Variants in MBD5 observed in about 807,000 individuals in gnomAD.
The protein encoded by MBD5 is methyl-CpG-binding domain protein 5.
In MBD5, 13 loss-of-function variants were observed where a neutral mutation model predicts 117.3. The observed-to-expected ratio is 0.11, with a 90% CI of 0.07 to 0.18. MBD5 has a LOEUF of 0.18. MBD5 is among the 10% of genes least tolerant of loss of function. The probability of loss-of-function intolerance (pLI) is 1.00; values close to 1 mark genes in which losing one functional copy is unlikely to be tolerated. For synonymous variants in MBD5, 727 were observed against 766.4 expected (o/e 0.95, Z 0.85); for missense variants, 1,879 against 2,093.8 (o/e 0.90, Z 2.00).
At chr2:148,294,445 T>C (rs987318721) in intron 3 of MBD5, among the ~76,000 whole-genome samples, 2 of 150,106 alleles carry the variant, frequency 1.3e-5, no homozygotes, top group African/African-American at 2.5e-5. Flanking sequence ...AGGATGGTCT[T>C]GATCTCCTGA....
chr2:148,401,029 T>C (rs569457125), intron 4 of MBD5, among the ~76,000 whole-genome samples: 1 of 152,316 alleles, frequency 6.6e-6, no homozygotes, highest in African/African-American at 2.4e-5. Flanking sequence ...TATCTGACTT[T>C]TGAGATATCA....
Position 148,468,446 on chromosome 2 carries a change from T to A in MBD5, c.503T>A (p.Phe168Tyr). Residue 168 changes from phenylalanine to tyrosine, a missense_variant, in exon 8 of 14, where the codon TTC becomes TAC. Physicochemically the swap from Phe to Tyr is conservative, Grantham distance 22. Coordinates refer to ENST00000642680, the MANE Select transcript of MBD5 (RefSeq NM_001378120.1). ...GTAATGCCTGAATGTAAGAATCCTTTCAAGTTAATGATTGGATCATCAAAT... is the reference window on the plus strand; with the variant it reads ...GTAATGCCTGAATGTAAGAATCCTTACAAGTTAATGATTGGATCATCAAAT... The part of the protein sequence containing the change: ...NSVMPECKNP[F>Y]KLMIGSSNAM... The A allele has an allele frequency of 6.2e-7, 1 of 1,613,776 alleles. No individual in the cohort carries two copies. Among genetic ancestry groups the A allele is most frequent in the Non-Finnish European group, 8.5e-7 (1 of 1,179,818 alleles).
At chr2:148,485,477 A>AT (rs1681306837) in intron 9 of MBD5, 1 of 426,846 alleles carries the variant, frequency 2.3e-6, no homozygotes, top group Non-Finnish European at 4.2e-6. Context: ...GCAGCTCAAT[A>AT]TATAAGGACT....
chr2:148,375,712 A>C (rs13427268), intron 4 of MBD5, among the ~76,000 whole-genome samples: 76,246 of 151,918 alleles, frequency 0.5, 19,428 homozygotes, highest in East Asian at 0.75. Context: ...CAGGTCATAG[A>C]TGTCCACCAA....
At chr2:148,154,016 C>T (rs1697777201) in intron 1 of MBD5, among the ~76,000 whole-genome samples, 1 of 113,782 alleles carries the variant, frequency 8.8e-6, no homozygotes, top group Non-Finnish European at 1.9e-5. Flanking sequence ...GAGAGGCGCT[C>T]TGCGTTTTAG....
chr2:148,079,976 A>T (rs999709448), intron 1 of MBD5, among the ~76,000 whole-genome samples: 4 of 152,242 alleles, frequency 2.6e-5, no homozygotes, highest in African/African-American at 9.6e-5. Context: ...GTGTGTTGTC[A>T]TGATGTTAAT....
chr2:148,249,400 T>C (rs1168161133), intron 3 of MBD5, among the ~76,000 whole-genome samples: 1 of 152,166 alleles, frequency 6.6e-6, no homozygotes. Context: ...CTTCAGTTAT[T>C]GTTTTGGAAA....
intron 2 of MBD5, among the ~76,000 whole-genome samples, chr2:148,189,264 G>A (rs150671246): frequency 6.8e-6 from 1 of 146,412 alleles, no homozygotes; most frequent in Non-Finnish European, 1.5e-5. Context: ...CACAGCTCAA[G>A]GAGGCCTGCC....
intron 4 of MBD5, among the ~76,000 whole-genome samples, chr2:148,445,043 A>G (rs1049702215): frequency 6.6e-6 from 1 of 151,206 alleles, no homozygotes; most frequent in African/African-American, 2.5e-5. Context: ...TTTCTGAGAA[A>G]TAGCACCACC....
intron 4 of MBD5, among the ~76,000 whole-genome samples, chr2:148,369,609 T>C (rs1462116898): frequency 6.6e-6 from 1 of 152,142 alleles, no homozygotes; most frequent in African/African-American, 2.4e-5. Flanking sequence ...AGCCTATTCT[T>C]GCAGCTTTTC....
intron 4 of MBD5, among the ~76,000 whole-genome samples, chr2:148,377,758 T>C (rs1704031296): frequency 6.6e-6 from 1 of 152,206 alleles, no homozygotes; most frequent in Non-Finnish European, 1.5e-5. Context: ...CTGCCCCTTA[T>C]GGACAGACAG....
In MBD5 at chr2:148,109,763, G is replaced by A. The variant is rs578172422; in HGVS notation, c.-924-68937G>A. ...ACCTCTTGGGAAAGTGGCTTGGGAT[G>A]ATTTTCAAAACATTCTCATTTTGCT... is the stretch of plus-strand genomic sequence containing the variant. On this transcript the variant is annotated intron_variant, in intron 1 of 13. Transcript: ENST00000642680. Among the ~76,000 whole-genome samples, 9 of 152,196 alleles carry A rather than the reference G, an allele frequency of 5.9e-5. No individual in the cohort carries two copies. In the South Asian group the frequency reaches 1.9e-3, roughly 32 times the overall value.
chr2:148,123,605 T>G (rs1010788619), intron 1 of MBD5, among the ~76,000 whole-genome samples: 1 of 152,190 alleles, frequency 6.6e-6, no homozygotes, highest in African/African-American at 2.4e-5. Context: ...GTATGTTTAG[T>G]ATGTGATATC....
At chr2:148,174,690 A>G (rs1342622854) in intron 1 of MBD5, among the ~76,000 whole-genome samples, 1 of 152,106 alleles carries the variant, frequency 6.6e-6, no homozygotes, top group Non-Finnish European at 1.5e-5. Context: ...CAACTGATAC[A>G]AGAAAAACTT....
intron 7 of MBD5, among the ~76,000 whole-genome samples, chr2:148,465,909 G>C (rs567260644): frequency 6.6e-6 from 1 of 152,148 alleles, no homozygotes; most frequent in East Asian, 1.9e-4. Context: ...TACAGAGTCT[G>C]CTTATTGCCT....
chr2:148,068,449 T>C (rs1209058200), intron 1 of MBD5: 1 of 152,188 alleles, frequency 6.6e-6, no homozygotes, highest in African/African-American at 2.4e-5. Flanking sequence ...TGGATCTTAC[T>C]GAGAGAGAAA....
At chr2:148,464,662 C>T (rs539305485) in intron 7 of MBD5, among the ~76,000 whole-genome samples, 2 of 151,826 alleles carry the variant, frequency 1.3e-5, no homozygotes, top group African/African-American at 4.8e-5. Context: ...TATAGTTTCA[C>T]AGAAATTCAG....
intron 3 of MBD5, among the ~76,000 whole-genome samples, chr2:148,297,740 A>G (rs1701688121): frequency 6.6e-6 from 1 of 151,956 alleles, no homozygotes; most frequent in South Asian, 2.1e-4. Flanking sequence ...ATATCCAGTC[A>G]TTTCCTATTG....
chr2:148,469,184 C>G lies in MBD5; in HGVS notation c.1241C>G (p.Pro414Arg). The change falls in exon 8 of 14, where the codon CCT (proline) becomes CGT (arginine). Residue 414 changes from proline to arginine, a missense_variant. Transcript: ENST00000642680. The stretch of plus-strand genomic sequence containing the variant: ...AATCTCCCATTGCCAACTGTAAAAC[C>G]TGGTCACATGAATCATGGGAGTCAT... ...PSNLPLPTVK[P>R]GHMNHGSHVQ... The G allele has an allele frequency of 6.2e-7, 1 of 1,614,042 alleles. No individual in the cohort carries two copies. Among genetic ancestry groups the G allele is most frequent in the Non-Finnish European group, 8.5e-7 (1 of 1,179,972 alleles).
Sources: allele counts gnomAD v4.1 joint callset (sites outside exome capture counted in the v4.1 genomes callset), GRCh38; gene constraint gnomAD v4.1.1; transcripts MANE v1.5; gene names NCBI Gene and HGNC (gene_info 2026-07-23, HGNC 2026-07-21).